Variants in ZNF483 observed in about 807,000 individuals in gnomAD.
The protein encoded by ZNF483 is zinc finger protein HIT-10.
A neutral mutation model predicts 28.6 loss-of-function variants in ZNF483; 9 were observed. That is an observed-to-expected ratio of 0.32 (90% CI 0.19 to 0.55). The LOEUF (loss-of-function observed/expected upper bound fraction) is 0.55. Among genes scored for constraint, ZNF483 ranks in the 20% least tolerant of loss-of-function variants. The pLI is 0.93. For synonymous variants in ZNF483, 322 were observed against 306.2 expected (o/e 1.05, Z -0.54); for missense variants, 675 against 871.7 (o/e 0.77, Z 2.84).
chr9:111,570,244 C>A, intron 5 of ZNF483: 1 of 1,595,006 alleles, frequency 6.3e-7, no homozygotes, highest in Non-Finnish European at 8.5e-7. Flanking sequence ...GTGGCAGGAT[C>A]CAGGGAGGTG....
chr9:111,539,158 G>A (rs578066312), intron 5 of ZNF483, among the ~76,000 whole-genome samples: 65 of 142,058 alleles, frequency 4.6e-4, no homozygotes, highest in African/African-American at 1.5e-3. Flanking sequence ...AATCAATAAG[G>A]AACACTAAGT....
At chr9:111,536,539 A>G (rs1275959923) in intron 5 of ZNF483, among the ~76,000 whole-genome samples, 3 of 152,154 alleles carry the variant, frequency 2.0e-5, no homozygotes, top group Non-Finnish European at 2.9e-5. Context: ...AATAAAAACA[A>G]AAGTAAGTTA....
chr9:111,562,991 A>T (rs959224945), intron 5 of ZNF483: 19 of 1,428,838 alleles, frequency 1.3e-5, no homozygotes, highest in Admixed American at 8.6e-5. Context: ...AATGTATTTT[A>T]TTAAGTAGCT....
In ZNF483 at chr9:111,547,666, T is replaced by C. The variant is rs1400000687; in HGVS notation, c.*4496T>C. On this transcript the variant is annotated 3_prime_UTR_variant, in exon 6 of 6. Coordinates refer to ENST00000309235, the MANE Select transcript of ZNF483 (RefSeq NM_133464.5). ...ATTTTGGTGAAGTTTAATTTTTCTATTTTTTCTTTTGTTTCCTGTGCTTTT... is the reference window on the plus strand; with the variant it reads ...ATTTTGGTGAAGTTTAATTTTTCTACTTTTTCTTTTGTTTCCTGTGCTTTT... Among the ~76,000 whole-genome samples, 1 of 152,190 alleles carries C rather than the reference T, an allele frequency of 6.6e-6. No homozygotes were observed. The highest frequency in any genetic ancestry group is 1.5e-5 in the Non-Finnish European group (1 of 68,024).
At position 111,560,996 on chromosome 9, in the gene ZNF483, G is replaced by A. The variant is rs867186186; in HGVS notation, c.722-15369G>A. On this transcript the variant is annotated intron_variant, in intron 5 of 5. Transcript: ENST00000358151. ...ATATAGAGAGAGAGAGAGAGAGAGAGAGAGAGAGAGAGAGAGAGAGAGGTG... is the reference window on the plus strand; with the variant it reads ...ATATAGAGAGAGAGAGAGAGAGAGAAAGAGAGAGAGAGAGAGAGAGAGGTG... Among the ~76,000 whole-genome samples, 94 of 94,556 alleles carry A rather than the reference G, an allele frequency of 9.9e-4. 7 individuals are homozygous for A. Among genetic ancestry groups the A allele is most frequent in the South Asian group, 7.5e-3 (18 of 2,416 alleles). The allele number at this position is 94,556 out of a possible 152,430, so 62.0% of individuals were successfully genotyped here.
chr9:111,544,370 G>GTGTA lies in ZNF483; in HGVS notation c.*1202_*1205dup, dbSNP rs1827756805. The GTGTA allele has an allele frequency of 2.0e-6, 2 of 980,864 alleles. No homozygotes were observed. Among genetic ancestry groups the GTGTA allele is most frequent in the Non-Finnish European group, 2.4e-6 (2 of 826,228 alleles). The allele number at this position is 980,864 out of a possible 1,614,324, so 60.8% of individuals were successfully genotyped here. A position where few individuals can be genotyped will look rare whatever the true frequency, so the allele number is the denominator to read the frequency against. On this transcript the variant is annotated 3_prime_UTR_variant, in exon 6 of 6. Coordinates refer to ENST00000309235, the MANE Select transcript of ZNF483 (RefSeq NM_133464.5). ...TGCATGTGTGTGTGTGTGTGTGTGT[G>GTGTA]TGTATACATTGTTGCCACTATCTAA...
At chr9:111,556,203 A>G (rs1340688031), downstream of ZNF483, among the ~76,000 whole-genome samples, 1 of 152,216 alleles carries the variant, frequency 6.6e-6, no homozygotes, top group Non-Finnish European at 1.5e-5. Context: ...CTTTGACTCC[A>G]TGTCTCACAT....
At chr9:111,535,901 T>C (rs572769741) in intron 5 of ZNF483, among the ~76,000 whole-genome samples, 27 of 94,952 alleles carry the variant, frequency 2.8e-4, no homozygotes. Flanking sequence ...ATTATTATTC[T>C]TTTTTTTTTT....
At chr9:111,562,543 G>A (rs1398949133) in intron 5 of ZNF483, 1 of 152,010 alleles carries the variant, frequency 6.6e-6, no homozygotes, top group Non-Finnish European at 1.5e-5. Context: ...CAAAGTGCTG[G>A]AATTACAGGC....
At chr9:111,536,902 GGTACT>G (rs1193004553) in intron 5 of ZNF483, among the ~76,000 whole-genome samples, 1 of 152,060 alleles carries the variant, frequency 6.6e-6, no homozygotes, top group African/African-American at 2.4e-5. Flanking sequence ...TAACATTTAC[GGTACT>G]GTACTGTGTG....
At chr9:111,557,145 C>T (rs1242226486), downstream of ZNF483, among the ~76,000 whole-genome samples, 3 of 152,146 alleles carry the variant, frequency 2.0e-5, no homozygotes, top group South Asian at 2.1e-4. Flanking sequence ...TTGAATTCCT[C>T]CCCAGAAAAT....
chr9:111,576,245 C>T (rs1589305791), intron 5 of ZNF483: 1 of 926,914 alleles, frequency 1.1e-6, no homozygotes, highest in East Asian at 2.5e-5. Flanking sequence ...TATTTGCAAG[C>T]CATATAGAGT....
At chr9:111,532,923 A>G (rs1225326580) in intron 3 of ZNF483, among the ~76,000 whole-genome samples, 2 of 151,764 alleles carry the variant, frequency 1.3e-5, no homozygotes, top group African/African-American at 2.4e-5. Flanking sequence ...AAAAAAAAAG[A>G]AAAAAAAGGA....
At chr9:111,558,722 ATG>A (rs1828193318), downstream of ZNF483, among the ~76,000 whole-genome samples, 1 of 152,140 alleles carries the variant, frequency 6.6e-6, no homozygotes, top group African/African-American at 2.4e-5. Context: ...ACTCATTTAT[ATG>A]TGTGTCTATG....
chr9:111,526,617 T>C (rs1385865025), intron 1 of ZNF483, among the ~76,000 whole-genome samples: 1 of 152,122 alleles, frequency 6.6e-6, no homozygotes, highest in Non-Finnish European at 1.5e-5. Context: ...AAATATTAAA[T>C]TGGGCTTCTG....
At chr9:111,571,395 C>T (rs1044852007) in intron 5 of ZNF483, among the ~76,000 whole-genome samples, 3 of 149,416 alleles carry the variant, frequency 2.0e-5, no homozygotes, top group South Asian at 2.2e-4. Context: ...GGTGACAGAG[C>T]GAGACTCGGT....
chr9:111,543,765 C>CTTTTTTTTTCTTTTTTTTTTTTTTTTTT lies in ZNF483; in HGVS notation c.*604_*605insCTTTTTTTTTTTTTTTTTTTTTTTTTTT, dbSNP rs1827733146. ...CTATTCAGGATGCTGGACTTCTTTTCTTTTTTTTTTCTTTTTTTTTTTTCA... is the reference window on the plus strand; with the variant it reads ...CTATTCAGGATGCTGGACTTCTTTTCTTTTTTTTTCTTTTTTTTTTTTTTTTTTTTTTTTTTTTCTTTTTTTTTTTTCA... On this transcript the variant is annotated 3_prime_UTR_variant, in exon 6 of 6. Coordinates refer to ENST00000309235, the MANE Select transcript of ZNF483 (RefSeq NM_133464.5). 1.4e-6 allele frequency: 1 copy of CTTTTTTTTTCTTTTTTTTTTTTTTTTTT among 733,522 alleles called. No homozygotes were observed. 45.4% of individuals were successfully genotyped at this position (733,522 alleles called of 1,614,324 possible).
chr9:111,539,978 T>A (rs1379803405), intron 5 of ZNF483, among the ~76,000 whole-genome samples: 1 of 151,918 alleles, frequency 6.6e-6, no homozygotes, highest in African/African-American at 2.4e-5. Context: ...GATAATTTTT[T>A]AGAATTAGCC....
intron 5 of ZNF483, among the ~76,000 whole-genome samples, chr9:111,568,035 T>G (rs1564611982): frequency 6.6e-6 from 1 of 152,208 alleles, no homozygotes; most frequent in Non-Finnish European, 1.5e-5. Flanking sequence ...ACAAATTGAT[T>G]GTAAAACATG....
Sources: gnomAD v4.1 joint callset for allele counts (sites outside exome capture counted in the v4.1 genomes callset) on GRCh38, gnomAD v4.1.1 for gene constraint, MANE v1.5 for transcripts, NCBI Gene and HGNC (gene_info 2026-07-23, HGNC 2026-07-21) for gene names.